KIAA1328: variants seen among roughly 807,000 people sequenced by gnomAD.
The protein encoded by KIAA1328 is KIAA1328.
In KIAA1328, 52 loss-of-function variants were observed where a neutral mutation model predicts 68.1. The observed-to-expected ratio is 0.76, with a 90% confidence interval of 0.61 to 0.96. The LOEUF is 0.96. Among genes scored for constraint, KIAA1328 ranks in the 40% least tolerant of loss-of-function variants. The pLI is 0.00. For missense variants in KIAA1328, 641 were observed against 677.6 expected (o/e 0.95, Z 0.60); for synonymous variants, 232 against 239.4 (o/e 0.97, Z 0.28).
At chr18:37,178,164 A>T (rs1327179235) in intron 9 of KIAA1328, among the ~76,000 whole-genome samples, 1 of 152,008 alleles carries the variant, frequency 6.6e-6, no homozygotes, top group Non-Finnish European at 1.5e-5. Flanking sequence ...CCTCCTATCT[A>T]ACTGTAACTT....
rs58489772 is a variant in KIAA1328, at chr18:37,117,876, T to TA, written c.1233-42312dup. Among the ~76,000 whole-genome samples, 884 of 126,578 alleles carry TA rather than the reference T, an allele frequency of 7.0e-3. 11 individuals carry two copies. The highest frequency in any genetic ancestry group is 0.023 in the African/African-American group (811 of 35,378). The allele number at this position is 126,578 out of a possible 152,430, so 83.0% of individuals were successfully genotyped here. A position where few individuals can be genotyped will look rare whatever the true frequency, so the allele number is the denominator to read the frequency against. On this transcript the variant is annotated intron_variant, in intron 7 of 9. Coordinates refer to ENST00000280020, the MANE Select transcript of KIAA1328 (RefSeq NM_020776.3). ...GGGAAGAAAACGGACGTAGTTGGTT[T>TA]AAAAAAAAAAAATATATATATATAT...
intron 6 of KIAA1328, among the ~76,000 whole-genome samples, chr18:36,983,130 T>C (rs1195310336): frequency 6.6e-6 from 1 of 152,058 alleles, no homozygotes; most frequent in Admixed American, 6.6e-5. Flanking sequence ...AATAATCACA[T>C]TATTTTTCAG....
intron 9 of KIAA1328, among the ~76,000 whole-genome samples, chr18:37,200,844 T>C (rs1253741493): frequency 2.0e-5 from 3 of 150,680 alleles, no homozygotes; most frequent in Non-Finnish European, 3.0e-5. Context: ...AAAGGAGCTG[T>C]CATTTCTCAG....
In KIAA1328 at chr18:36,959,412, G is replaced by T. The variant is rs1318789353; in HGVS notation, c.553G>T (p.Ala185Ser). The change falls in exon 6 of 10, where the codon GCT (alanine) becomes TCT (serine). Residue 185 changes from alanine to serine, a missense_variant. Physicochemically the swap from Ala to Ser is moderately conservative, Grantham distance 99. Transcript: ENST00000280020. ...CACCATGTCTCTCTCAGAACTTGGT[G>T]CTGCTAGAATGCAGGAACAGCAGGT... ...KLTMSLSELG[A>S]ARMQEQQVSS... The T allele has an allele frequency of 1.2e-6, 2 of 1,609,350 alleles. No homozygotes were observed. Among genetic ancestry groups the T allele is most frequent in the South Asian group, 2.2e-5 (2 of 89,616 alleles).
chr18:36,995,353 A>G (rs2053348386), intron 6 of KIAA1328, among the ~76,000 whole-genome samples: 2 of 152,102 alleles, frequency 1.3e-5, no homozygotes, highest in South Asian at 2.1e-4. Flanking sequence ...AATCCAGTCT[A>G]TCATTGATGG....
chr18:37,044,017 T>C (rs2055364436), intron 6 of KIAA1328, among the ~76,000 whole-genome samples: 1 of 152,210 alleles, frequency 6.6e-6, no homozygotes, highest in Admixed American at 6.5e-5. Context: ...TATTTTAAGA[T>C]ATCTCAGATG....
intron 7 of KIAA1328, among the ~76,000 whole-genome samples, chr18:37,071,369 G>A (rs1170225559): frequency 3.3e-5 from 5 of 151,916 alleles, no homozygotes; most frequent in African/African-American, 4.8e-5. Context: ...CACCGCACCC[G>A]GCCCAGACAC....
chr18:37,152,610 G>A (rs947364590), intron 7 of KIAA1328, among the ~76,000 whole-genome samples: 2 of 152,152 alleles, frequency 1.3e-5, no homozygotes, highest in Non-Finnish European at 2.9e-5. Flanking sequence ...AGTGTCCAGA[G>A]TGTCCATACA....
chr18:37,227,062 C>T (rs1390481516), downstream of KIAA1328, among the ~76,000 whole-genome samples: 1 of 152,154 alleles, frequency 6.6e-6, no homozygotes, highest in Non-Finnish European at 1.5e-5. Flanking sequence ...CCACCGCGCC[C>T]AGGCCCATGC....
intron 5 of KIAA1328, among the ~76,000 whole-genome samples, chr18:36,922,541 G>A (rs1457589145): frequency 2.0e-5 from 3 of 152,100 alleles, no homozygotes; most frequent in Non-Finnish European, 4.4e-5. Flanking sequence ...TTTATATTTT[G>A]CCACAGGGGT....
intron 4 of KIAA1328, among the ~76,000 whole-genome samples, chr18:36,859,790 T>C (rs1221105189): frequency 1.3e-5 from 2 of 151,774 alleles, no homozygotes; most frequent in Admixed American, 1.3e-4. Context: ...CTTTTTATTA[T>C]TTTTGTCTTT....
At chr18:36,887,112 CTTTTTT>C (rs553425006) in intron 5 of KIAA1328, among the ~76,000 whole-genome samples, 2 of 134,680 alleles carry the variant, frequency 1.5e-5, no homozygotes, top group Non-Finnish European at 1.6e-5. Context: ...CCAACTTTCT[CTTTTTT>C]TTTTTTTTTT....
At chr18:36,997,300 C>CG (rs2053427867) in intron 6 of KIAA1328, among the ~76,000 whole-genome samples, 1 of 152,048 alleles carries the variant, frequency 6.6e-6, no homozygotes. Flanking sequence ...TAATTCTTCC[C>CG]TTTTTCCCTC....
chr18:37,172,331 G>C (rs147041792), intron 8 of KIAA1328, among the ~76,000 whole-genome samples: 1 of 152,126 alleles, frequency 6.6e-6, no homozygotes, highest in African/African-American at 2.4e-5. Context: ...CAATATTTCT[G>C]TCCATACCAT....
At chr18:36,878,380 C>G (rs914630881) in intron 4 of KIAA1328, among the ~76,000 whole-genome samples, 1 of 152,142 alleles carries the variant, frequency 6.6e-6, no homozygotes, top group Non-Finnish European at 1.5e-5. Flanking sequence ...GCAGAAAGAT[C>G]CGTTGTTAGT....
At chr18:37,197,439 AT>A (rs2060025030) in intron 9 of KIAA1328, among the ~76,000 whole-genome samples, 1 of 152,104 alleles carries the variant, frequency 6.6e-6, no homozygotes, top group Non-Finnish European at 1.5e-5. Context: ...AAAAAATCCA[AT>A]CCTGTTGCCA....
intron 7 of KIAA1328, among the ~76,000 whole-genome samples, chr18:37,125,582 A>G (rs1188039638): frequency 1.3e-5 from 2 of 152,230 alleles, no homozygotes; most frequent in African/African-American, 4.8e-5. Context: ...TAAAGGTGTC[A>G]ATAAAATTGG....
At chr18:37,102,998 A>G (rs994652136) in intron 7 of KIAA1328, among the ~76,000 whole-genome samples, 2 of 152,204 alleles carry the variant, frequency 1.3e-5, no homozygotes, top group Non-Finnish European at 2.9e-5. Context: ...CAAGACCTCA[A>G]CGAGGAAAGT....
chr18:37,017,125 T>A (rs994339996), intron 6 of KIAA1328, among the ~76,000 whole-genome samples: 5 of 152,220 alleles, frequency 3.3e-5, no homozygotes, highest in African/African-American at 1.2e-4. Flanking sequence ...TCTCTTAACA[T>A]GGCTTTTGCT....
Sources: gnomAD v4.1 joint callset for allele counts (sites outside exome capture counted in the v4.1 genomes callset) on GRCh38, gnomAD v4.1.1 for gene constraint, MANE v1.5 for transcripts, NCBI Gene and HGNC (gene_info 2026-07-23, HGNC 2026-07-21) for gene names.